The following PRELID2 variants were observed in gnomAD, a reference collection of about 807,000 sequenced individuals.
PRELID2 encodes the protein PRELI domain containing 2.
In PRELID2, 25 loss-of-function variants were observed where a neutral mutation model predicts 28.4. The ratio of observed to expected loss-of-function variants is 0.88; its 90% CI spans 0.64 to 1.23. The LOEUF (loss-of-function observed/expected upper bound fraction) is 1.23. Among genes scored for constraint, PRELID2 ranks in the 50% most tolerant of loss-of-function variants. The pLI, the probability that PRELID2 is intolerant of heterozygous loss-of-function variation, is 0.00. For synonymous variants in PRELID2, 76 were observed against 71.6 expected (o/e 1.06, Z -0.31); for missense variants, 201 against 214.4 (o/e 0.94, Z 0.39).
rs1009930368 is a variant in PRELID2 at position 145,758,805 on chromosome 5, G to A, written c.*1731C>T. Among the ~76,000 whole-genome samples, 10 of 151,972 alleles carry A rather than the reference G, an allele frequency of 6.6e-5. No individual in the cohort carries two copies. Among genetic ancestry groups the A allele is most frequent in the African/African-American group, 2.2e-4 (9 of 41,378 alleles). The stretch of plus-strand genomic sequence containing the variant: ...ACACAATTGAAGAATGAAACACTAT[G>A]AAGCTGAAAAGAAATTAAGAGACAA... On this transcript the variant is annotated 3_prime_UTR_variant, in exon 7 of 7. Transcript: ENST00000683046.
At chr5:145,827,216 T>C (rs1755252213) in intron 1 of PRELID2, among the ~76,000 whole-genome samples, 1 of 152,202 alleles carries the variant, frequency 6.6e-6, no homozygotes, top group Non-Finnish European at 1.5e-5. Context: ...GAAAAGAGAT[T>C]TGGTGTTTAG....
At chr5:145,581,542 C>G (rs1203277318) in intron 1 of PRELID2, among the ~76,000 whole-genome samples, 1 of 152,070 alleles carries the variant, frequency 6.6e-6, no homozygotes, top group Non-Finnish European at 1.5e-5. Flanking sequence ...ATACTTGGTG[C>G]CTGCCAGGTC....
intron 1 of PRELID2, among the ~76,000 whole-genome samples, chr5:145,672,304 A>G (rs1754723106): frequency 6.6e-6 from 1 of 152,086 alleles, no homozygotes; most frequent in Non-Finnish European, 1.5e-5. Context: ...ATTCTCACAC[A>G]TTAGAAATGT....
chr5:145,823,375 G>A (rs1477733143), intron 1 of PRELID2, among the ~76,000 whole-genome samples: 1 of 152,168 alleles, frequency 6.6e-6, no homozygotes, highest in Non-Finnish European at 1.5e-5. Context: ...AGCCCTGAGG[G>A]GGATGAGGTT....
chr5:145,757,277 G>C lies in PRELID2; in HGVS notation c.*3259C>G, dbSNP rs1437853400. Among the ~76,000 whole-genome samples, 1 of 152,060 alleles carries C rather than the reference G, an allele frequency of 6.6e-6. No homozygotes were observed. Among genetic ancestry groups the C allele is most frequent in the Non-Finnish European group, 1.5e-5 (1 of 68,006 alleles). On this transcript the variant is annotated 3_prime_UTR_variant, in exon 7 of 7. Coordinates refer to ENST00000683046, the MANE Select transcript of PRELID2 (RefSeq NM_205846.3). ...ACTGAAACTATAAAAGCCCCTTCCT[G>C]GTAAAAGCACCTCAGTCATATAGGG...
the PRELID2 span, among the ~76,000 whole-genome samples, chr5:145,431,898 G>A: frequency 6.6e-6 from 1 of 152,120 alleles, no homozygotes; most frequent in South Asian, 2.1e-4. Context: ...TGTTCACAAT[G>A]GCATTGTTTC....
chr5:145,445,482 A>G, the PRELID2 span, among the ~76,000 whole-genome samples: 1 of 152,094 alleles, frequency 6.6e-6, no homozygotes, highest in Non-Finnish European at 1.5e-5. Flanking sequence ...TTTTATGAAT[A>G]AGACCTCAAA....
intron 1 of PRELID2, among the ~76,000 whole-genome samples, chr5:145,622,219 G>T (rs1753783413): frequency 6.6e-6 from 1 of 152,090 alleles, no homozygotes; most frequent in Admixed American, 6.5e-5. Context: ...TTTTTTTCAG[G>T]TGGTAAATAA....
At chr5:145,710,312 T>C (rs1376664401) in intron 1 of PRELID2, among the ~76,000 whole-genome samples, 1 of 152,224 alleles carries the variant, frequency 6.6e-6, no homozygotes, top group Non-Finnish European at 1.5e-5. Flanking sequence ...ATAGCTGTAC[T>C]AATGAATCCT....
intron 5 of PRELID2, among the ~76,000 whole-genome samples, chr5:145,790,413 TA>T (rs887833453): frequency 1.8e-4 from 28 of 152,130 alleles, no homozygotes; most frequent in African/African-American, 6.5e-4. Flanking sequence ...ACCTCATATG[TA>T]AAATCTAAAA....
At chr5:145,725,765 T>C (rs1756128471) in intron 1 of PRELID2, among the ~76,000 whole-genome samples, 1 of 152,220 alleles carries the variant, frequency 6.6e-6, no homozygotes, top group African/African-American at 2.4e-5. Flanking sequence ...GTGGTTCTAT[T>C]GCCTTCAATG....
At chr5:145,418,536 A>G in the PRELID2 span, among the ~76,000 whole-genome samples, 2 of 152,158 alleles carry the variant, frequency 1.3e-5, no homozygotes, top group African/African-American at 4.8e-5. Flanking sequence ...GAACAGTGGT[A>G]TAAGAACAGA....
In PRELID2 at chr5:145,817,885, G is replaced by A. The variant is rs576796880; in HGVS notation, c.368+9C>T. On this transcript the variant is annotated intron_variant, in intron 4 of 6. Coordinates refer to ENST00000683046, the MANE Select transcript of PRELID2 (RefSeq NM_205846.3). Reference sequence around the variant, plus strand: ...CCAAAACACACACACATATACACACGAGTCTTACCAATTTGGGTTTTCCAT... The same window carrying A: ...CCAAAACACACACACATATACACACAAGTCTTACCAATTTGGGTTTTCCAT... The A allele has an allele frequency of 1.2e-5, 19 of 1,536,512 alleles. No individual in the cohort carries two copies. Among genetic ancestry groups the A allele is most frequent in the African/African-American group, 6.9e-5 (5 of 72,134 alleles).
At chr5:145,595,260 C>T (rs1399869312) in intron 1 of PRELID2, among the ~76,000 whole-genome samples, 2 of 151,108 alleles carry the variant, frequency 1.3e-5, no homozygotes, top group Non-Finnish European at 2.9e-5. Flanking sequence ...TATTTACTAT[C>T]GATTACCCTG....
the PRELID2 span, among the ~76,000 whole-genome samples, chr5:145,450,331 G>T: frequency 2.0e-5 from 3 of 152,152 alleles, no homozygotes; most frequent in Non-Finnish European, 2.9e-5. Flanking sequence ...AATCATCGAA[G>T]CCACCCAACT....
chr5:145,588,041 T>C (rs900108472), intron 1 of PRELID2, among the ~76,000 whole-genome samples: 2 of 152,144 alleles, frequency 1.3e-5, no homozygotes, highest in African/African-American at 2.4e-5. Flanking sequence ...TGCTGCCAGA[T>C]GAAGCAAGAG....
intron 1 of PRELID2, among the ~76,000 whole-genome samples, chr5:145,613,652 A>C (rs2149646803): frequency 6.6e-6 from 1 of 151,884 alleles, no homozygotes; most frequent in East Asian, 1.9e-4. Flanking sequence ...TCTATTCTTA[A>C]CCCACTTCTT....
At chr5:145,713,584 G>A (rs1755760703) in intron 1 of PRELID2, among the ~76,000 whole-genome samples, 2 of 128,570 alleles carry the variant, frequency 1.6e-5, no homozygotes, top group African/African-American at 3.0e-5. Flanking sequence ...ATACACTAAA[G>A]TATATATACT....
chr5:145,256,315 AT>A, the PRELID2 span, among the ~76,000 whole-genome samples: 32 of 150,744 alleles, frequency 2.1e-4, 1 homozygote, highest in African/African-American at 6.7e-4. Context: ...CATATTTATT[AT>A]TTTTTTTAAA....
Sources: gnomAD v4.1 joint callset for allele counts (sites outside exome capture counted in the v4.1 genomes callset) on GRCh38, gnomAD v4.1.1 for gene constraint, MANE v1.5 for transcripts, NCBI Gene and HGNC (gene_info 2026-07-23, HGNC 2026-07-21) for gene names.